The following CD82 variants were observed in gnomAD, a reference collection of about 807,000 sequenced individuals.
CD82 encodes CD82 antigen.
In CD82, 36 loss-of-function variants were observed where a neutral mutation model predicts 37.4. The observed-to-expected ratio is 0.96, with a 90% CI of 0.74 to 1.27. The LOEUF (loss-of-function observed/expected upper bound fraction) is 1.27, where lower values mean the gene tolerates loss of function less well. Ranked by LOEUF, CD82 falls within the 50% of genes most tolerant of loss-of-function variation. CD82 has a pLI of 0.00. For missense variants in CD82, 340 were observed against 347.0 expected (o/e 0.98, Z 0.16); for synonymous variants, 158 against 137.4 (o/e 1.15, Z -1.05).
chr11:44,586,203 C>T (rs1479943553), intron 1 of CD82, among the ~76,000 whole-genome samples: 7 of 152,162 alleles, frequency 4.6e-5, no homozygotes, highest in Non-Finnish European at 8.8e-5. Flanking sequence ...CAGTGGGGGC[C>T]GGGCATCAAC....
intron 3 of CD82, among the ~76,000 whole-genome samples, chr11:44,595,271 G>A (rs1853206052): frequency 6.6e-6 from 1 of 152,160 alleles, no homozygotes; most frequent in Admixed American, 6.5e-5. Flanking sequence ...CCAGCAGATG[G>A]GCCATCCGGA....
At position 44,605,167 on chromosome 11, in the gene CD82, C is replaced by T; in HGVS notation, c.246C>T (p.Arg82=). 1 of 1,614,080 alleles carries T rather than the reference C, an allele frequency of 6.2e-7. No individual in the cohort carries two copies. Among genetic ancestry groups the T allele is most frequent in the Non-Finnish European group, 8.5e-7 (1 of 1,179,998 alleles). Residue 82 remains arginine (R), a synonymous_variant, in exon 5 of 10, where the codon CGC becomes CGT. Coordinates refer to ENST00000227155, the MANE Select transcript of CD82 (RefSeq NM_002231.4). ...GCATCGGCGCCGTCAACGAGGTCCGCTGCCTGCTGGGGCTGGTGAGTACGG... is the reference window on the plus strand; with the variant it reads ...GCATCGGCGCCGTCAACGAGGTCCGTTGCCTGCTGGGGCTGGTGAGTACGG... ...LGCIGAVNEV[R]CLLGLYFAFL...
intron 7 of CD82, among the ~76,000 whole-genome samples, chr11:44,616,428 C>T (rs1467561455): frequency 6.6e-6 from 1 of 152,170 alleles, no homozygotes; most frequent in African/African-American, 2.4e-5. Flanking sequence ...TCACCAGTGA[C>T]ATAAACCAGT....
At chr11:44,605,277 G>A in intron 5 of CD82, 78 bp from the exon 6 acceptor site, 1 of 1,610,144 alleles carries the variant, frequency 6.2e-7, no homozygotes, top group Non-Finnish European at 8.5e-7. Flanking sequence ...CGGGTGGAGA[G>A]CATCTCTCGG....
intron 2 of CD82, among the ~76,000 whole-genome samples, chr11:44,592,265 G>A (rs1853156521): frequency 6.6e-6 from 1 of 152,214 alleles, no homozygotes; most frequent in Non-Finnish European, 1.5e-5. Flanking sequence ...GGTTGCCAAA[G>A]AACTCTTTCC....
intron 1 of CD82, 141 bp from the exon 2 acceptor site, chr11:44,587,334 G>A (rs1189664726): frequency 9.4e-6 from 4 of 425,930 alleles, no homozygotes; most frequent in Admixed American, 2.4e-5. Flanking sequence ...CCTGTGGGGG[G>A]AAGAGGACAG....
chr11:44,577,918 A>C (rs1034524427), intron 1 of CD82, among the ~76,000 whole-genome samples: 13 of 152,172 alleles, frequency 8.5e-5, no homozygotes, highest in African/African-American at 3.1e-4. Context: ...TAATGGGCCA[A>C]GGACTGGGCA....
chr11:44,569,049 T>G (rs1852778204), intron 1 of CD82, among the ~76,000 whole-genome samples: 3 of 152,036 alleles, frequency 2.0e-5, no homozygotes, highest in Non-Finnish European at 4.4e-5. Context: ...CTGTGAGAGG[T>G]GGGAAGGGAG....
chr11:44,586,369 G>A (rs1022940164), intron 1 of CD82, among the ~76,000 whole-genome samples: 28 of 152,144 alleles, frequency 1.8e-4, no homozygotes, highest in African/African-American at 5.8e-4. Flanking sequence ...GTGCCTGCCC[G>A]TCTGTGTGCA....
intron 1 of CD82, among the ~76,000 whole-genome samples, chr11:44,584,073 G>A (rs926126782): frequency 6.6e-5 from 10 of 152,120 alleles, no homozygotes; most frequent in African/African-American, 1.7e-4. Flanking sequence ...TGGTAGTGGC[G>A]GGATCTCCTC....
At chr11:44,565,308 G>C (rs1239470738), upstream of CD82, among the ~76,000 whole-genome samples, 4 of 152,198 alleles carry the variant, frequency 2.6e-5, no homozygotes, top group Non-Finnish European at 2.9e-5. Context: ...GGAGGAGACC[G>C]GGAGGACGAG....
chr11:44,568,521 C>CG (rs1011018480), intron 1 of CD82, among the ~76,000 whole-genome samples: 1 of 127,156 alleles, frequency 7.9e-6, no homozygotes, highest in Non-Finnish European at 1.7e-5. Flanking sequence ...GTTTGGGGGT[C>CG]GGGGGCGGGA....
intron 2 of CD82, among the ~76,000 whole-genome samples, chr11:44,590,274 G>T (rs1180844056): frequency 6.6e-6 from 1 of 151,970 alleles, no homozygotes; most frequent in Non-Finnish European, 1.5e-5. Flanking sequence ...TAATTTTCAT[G>T]CATTAAAGAA....
In CD82 at chr11:44,597,449, G is replaced by T. The variant is rs999877577; in HGVS notation, c.64-2709G>T. 2.6e-5 allele frequency among the ~76,000 whole-genome samples: 4 copies of T among 152,232 alleles called. No individual in the cohort carries two copies. The highest frequency in any genetic ancestry group is 2.9e-5 in the Non-Finnish European group (2 of 68,036). On this transcript the variant is annotated intron_variant, in intron 3 of 9. Coordinates refer to ENST00000227155, the MANE Select transcript of CD82 (RefSeq NM_002231.4). This position sits in a 1 kb window ranked among gnomAD's most constrained non-coding sequence, Gnocchi z 4.1. Reference sequence around the variant, plus strand: ...GGTGCCATGGTGCCTTGCCCATTCTGGTAGGCTGCCCAGCCTCCTTTCTGG... The same window carrying T: ...GGTGCCATGGTGCCTTGCCCATTCTTGTAGGCTGCCCAGCCTCCTTTCTGG...
chr11:44,582,299 G>C (rs926577933), intron 1 of CD82, among the ~76,000 whole-genome samples: 1 of 152,232 alleles, frequency 6.6e-6, no homozygotes, highest in Non-Finnish European at 1.5e-5. Flanking sequence ...CTCATTTCAA[G>C]TTCTTGGGTG....
chr11:44,604,929 C>G (rs1190542602), intron 4 of CD82, 129 bp from the exon 5 acceptor site: 20 of 1,313,106 alleles, frequency 1.5e-5, no homozygotes, highest in Non-Finnish European at 2.2e-5. Context: ...CAGTGAGAAG[C>G]CAGCAGGGGA....
At chr11:44,585,393 G>A (rs1590332909) in intron 1 of CD82, 2 of 446,906 alleles carry the variant, frequency 4.5e-6, no homozygotes, top group Middle Eastern at 3.3e-4. Flanking sequence ...TTTTACAGGT[G>A]GGAAAGCTGA....
At chr11:44,615,407 G>A in intron 7 of CD82, 34 bp downstream of exon 7, 1 of 1,348,694 alleles carries the variant, frequency 7.4e-7, no homozygotes, top group Non-Finnish European at 1.1e-6. Context: ...AGGCTCTCTG[G>A]CCTGGGTGTC....
chr11:44,614,082 G>T (rs760467376), intron 6 of CD82, among the ~76,000 whole-genome samples: 4 of 152,070 alleles, frequency 2.6e-5, no homozygotes, highest in African/African-American at 9.7e-5. Context: ...GTGCGATCTC[G>T]ACTCACTGTA....
Sources: gnomAD v4.1 joint callset for allele counts (sites outside exome capture counted in the v4.1 genomes callset) on GRCh38, gnomAD v4.1.1 for gene constraint, Gnocchi (gnomAD v3.1) non-coding constraint, MANE v1.5 for transcripts, NCBI Gene and HGNC (gene_info 2026-07-23, HGNC 2026-07-21) for gene names.